AGMO: variants seen among roughly 807,000 people sequenced by gnomAD.
AGMO encodes alkylglycerol monooxygenase.
In AGMO, 75 loss-of-function variants were observed where a neutral mutation model predicts 60.2. The observed-to-expected ratio is 1.25, with a 90% CI of 1.03 to 1.51. AGMO has a LOEUF of 1.51. AGMO is among the 40% of genes most tolerant of loss of function. The probability of loss-of-function intolerance (pLI) is 0.00; values close to 1 mark genes in which losing one functional copy is unlikely to be tolerated. For synonymous variants in AGMO, 261 were observed against 177.1 expected, an observed-to-expected ratio of 1.47 and a Z score of -3.76; for missense variants, 763 against 525.5, an observed-to-expected ratio of 1.45 and a Z score of -4.42.
chr7:15,338,263 T>C (rs1781725918), intron 12 of AGMO, among the ~76,000 whole-genome samples: 1 of 152,180 alleles, frequency 6.6e-6, no homozygotes, highest in Admixed American at 6.6e-5. Context: ...GCTACCAAGT[T>C]GCAAAACATT....
chr7:15,462,466 A>C (rs1319455676), intron 3 of AGMO, among the ~76,000 whole-genome samples: 2 of 152,166 alleles, frequency 1.3e-5, no homozygotes, highest in Admixed American at 1.3e-4. Context: ...AAGTTCTACT[A>C]TTTAAAATGT....
chr7:15,504,031 C>T (rs1562540402), intron 3 of AGMO, among the ~76,000 whole-genome samples: 1 of 152,002 alleles, frequency 6.6e-6, no homozygotes, highest in East Asian at 1.9e-4. Flanking sequence ...CAATTCCACA[C>T]AGTTTATGTA....
At chr7:15,204,283 C>T (rs535373412) in intron 12 of AGMO, among the ~76,000 whole-genome samples, 1 of 152,122 alleles carries the variant, frequency 6.6e-6, no homozygotes, top group South Asian at 2.1e-4. Flanking sequence ...TAAAATTTTC[C>T]TTGTCCAACT....
chr7:15,556,219 GTTT>G (rs71004394), intron 2 of AGMO, among the ~76,000 whole-genome samples: 13 of 91,484 alleles, frequency 1.4e-4, no homozygotes, highest in South Asian at 4.2e-4. Flanking sequence ...CTCCTTTTTA[GTTT>G]TTTTTTTTTT....
chr7:15,533,144 T>C (rs1022843267), intron 3 of AGMO, among the ~76,000 whole-genome samples: 1 of 152,202 alleles, frequency 6.6e-6, no homozygotes, highest in Non-Finnish European at 1.5e-5. Flanking sequence ...CATGGAGATA[T>C]GTCTTTAGAG....
intron 12 of AGMO, among the ~76,000 whole-genome samples, chr7:15,228,437 A>C (rs1782153928): frequency 6.6e-6 from 1 of 152,116 alleles, no homozygotes; most frequent in African/African-American, 2.4e-5. Flanking sequence ...AGAAAGAGAG[A>C]TGTATGGAAG....
chr7:15,239,892 A>G (rs907402249), intron 12 of AGMO, among the ~76,000 whole-genome samples: 1 of 152,244 alleles, frequency 6.6e-6, no homozygotes, highest in African/African-American at 2.4e-5. Context: ...TTTGTCTAGG[A>G]CATGTAAGGA....
chr7:15,523,605 T>C (rs1159303721), intron 3 of AGMO, among the ~76,000 whole-genome samples: 1 of 152,134 alleles, frequency 6.6e-6, no homozygotes, highest in Non-Finnish European at 1.5e-5. Context: ...CACTGCATGT[T>C]CTCATTCATA....
At chr7:15,133,507 C>A in the AGMO span, among the ~76,000 whole-genome samples, 1 of 147,894 alleles carries the variant, frequency 6.8e-6, no homozygotes. Flanking sequence ...TAGCTGGAGG[C>A]TAAAATCATC....
intron 12 of AGMO, among the ~76,000 whole-genome samples, chr7:15,346,360 A>G (rs1782031366): frequency 6.6e-6 from 1 of 152,120 alleles, no homozygotes; most frequent in African/African-American, 2.4e-5. Flanking sequence ...TTTATTTAGT[A>G]AATAACTTGG....
the AGMO span, among the ~76,000 whole-genome samples, chr7:15,155,419 C>CT: frequency 0.011 from 700 of 63,946 alleles, 72 homozygotes; most frequent in Middle Eastern, 0.017. Flanking sequence ...TACAGAATTT[C>CT]TTTTTTTTTT....
chr7:15,366,702 C>G (rs1782998026), intron 10 of AGMO, among the ~76,000 whole-genome samples: 1 of 151,986 alleles, frequency 6.6e-6, no homozygotes, highest in African/African-American at 2.4e-5. Flanking sequence ...CACATATACA[C>G]TCATATTTGA....
At chr7:15,131,952 C>T in the AGMO span, among the ~76,000 whole-genome samples, 2 of 152,028 alleles carry the variant, frequency 1.3e-5, no homozygotes, top group Non-Finnish European at 2.9e-5. Context: ...TCTGAATCCA[C>T]TCTCCTGTCT....
chr7:15,531,585 C>CTCTATATATTCTA (rs1784361842), intron 3 of AGMO, among the ~76,000 whole-genome samples: 1 of 111,816 alleles, frequency 8.9e-6, no homozygotes, highest in Admixed American at 1.2e-4. Context: ...TATATATATT[C>CTCTATATATTCTA]TATATATATT....
chr7:15,270,596 A>ATTTTTTTTTTTTTTTTTT lies in AGMO; in HGVS notation c.1264-69255_1264-69238dup, dbSNP rs527463907. On this transcript the variant is annotated intron_variant, in intron 12 of 12. Coordinates refer to ENST00000342526, the MANE Select transcript of AGMO (RefSeq NM_001004320.2). ...ATTAAACAAATTTAATCTGTTGATA[A>ATTTTTTTTTTTTTTTTTT]TTTTTTTTTTTTTTTTTTTTTTTTT... 1.2e-3 allele frequency among the ~76,000 whole-genome samples: 60 copies of ATTTTTTTTTTTTTTTTTT among 48,062 alleles called. 3 individuals carry two copies. The highest frequency in any genetic ancestry group is 1.4e-3 in the African/African-American group (17 of 12,172). The allele number at this position is 48,062 out of a possible 152,430, so 31.5% of individuals were successfully genotyped here. A position where few individuals can be genotyped will look rare whatever the true frequency, so the allele number is the denominator to read the frequency against.
chr7:15,458,400 C>T (rs565455999), intron 3 of AGMO, among the ~76,000 whole-genome samples: 29 of 152,258 alleles, frequency 1.9e-4, no homozygotes, highest in African/African-American at 6.5e-4. Flanking sequence ...TGACAGTTTG[C>T]ATGAAGCTTG....
At chr7:15,317,311 T>C (rs112392724) in intron 12 of AGMO, among the ~76,000 whole-genome samples, 2,758 of 152,274 alleles carry the variant, frequency 0.018, 67 homozygotes, top group African/African-American at 0.063. Context: ...CCCGGAAAAG[T>C]AGTCAAGTAA....
chr7:15,117,469 T>C, the AGMO span, among the ~76,000 whole-genome samples: 1 of 152,034 alleles, frequency 6.6e-6, no homozygotes, highest in Non-Finnish European at 1.5e-5. Flanking sequence ...GAATTTTAAT[T>C]CTAAAAAGAA....
chr7:15,468,406 T>A (rs1782348525), intron 3 of AGMO, among the ~76,000 whole-genome samples: 1 of 152,160 alleles, frequency 6.6e-6, no homozygotes, highest in African/African-American at 2.4e-5. Context: ...GTCTATGTTA[T>A]CTAATAATTT....
Sources: allele counts gnomAD v4.1 joint callset (sites outside exome capture counted in the v4.1 genomes callset), GRCh38; gene constraint gnomAD v4.1.1; transcripts MANE v1.5; gene names NCBI Gene and HGNC (gene_info 2026-07-23, HGNC 2026-07-21).